TAOK3: variants seen among roughly 807,000 people sequenced by gnomAD.
The protein encoded by TAOK3 is serine/threonine-protein kinase TAO3.
Under a neutral mutation model 120.4 loss-of-function variants are expected in TAOK3, and 40 were observed. The ratio of observed to expected loss-of-function variants is 0.33; its 90% CI spans 0.26 to 0.43. The LOEUF is 0.43. TAOK3 is among the 20% of genes least tolerant of loss of function. The pLI is 1.00. For synonymous variants in TAOK3, 355 were observed against 387.5 expected (o/e 0.92, Z 0.99); for missense variants, 821 against 1,112.1 (o/e 0.74, Z 3.72).
chr12:118,348,110 C>A (rs1214050985), intron 1 of TAOK3, among the ~76,000 whole-genome samples: 1 of 152,212 alleles, frequency 6.6e-6, no homozygotes, highest in African/African-American at 2.4e-5. Context: ...GTCCACCACG[C>A]CTGCTGAAAA....
chr12:118,335,102 T>G (rs1293381723), intron 1 of TAOK3, among the ~76,000 whole-genome samples: 5 of 151,444 alleles, frequency 3.3e-5, no homozygotes, highest in Non-Finnish European at 7.4e-5. Context: ...GAGAATCACT[T>G]GAACCTGGGA....
At chr12:118,306,404 CT>C (rs1305972968) in intron 1 of TAOK3, among the ~76,000 whole-genome samples, 1 of 151,996 alleles carries the variant, frequency 6.6e-6, no homozygotes, top group Non-Finnish European at 1.5e-5. Context: ...TGTCGAACTC[CT>C]GGGCTCAAGT....
At chr12:118,303,792 C>T (rs2042956918) in intron 1 of TAOK3, among the ~76,000 whole-genome samples, 1 of 152,136 alleles carries the variant, frequency 6.6e-6, no homozygotes, top group African/African-American at 2.4e-5. Flanking sequence ...GGATTACAGG[C>T]ACCTGCCAGC....
chr12:118,234,209 G>GA (rs1336315572), intron 8 of TAOK3, among the ~76,000 whole-genome samples: 1 of 99,540 alleles, frequency 1.0e-5, no homozygotes, highest in African/African-American at 3.4e-5. Context: ...AATAAAGCAG[G>GA]AAATTTTTTT....
chr12:118,285,413 C>T (rs1429461520), intron 1 of TAOK3, among the ~76,000 whole-genome samples: 1 of 151,582 alleles, frequency 6.6e-6, no homozygotes, highest in Non-Finnish European at 1.5e-5. Flanking sequence ...AGTGCAATGG[C>T]GTGATCTCAG....
At position 118,246,817 on chromosome 12, in the gene TAOK3, C is replaced by T. The variant is rs2040534589; in HGVS notation, c.121-1852G>A. The T allele has an allele frequency of 3.0e-6, 4 of 1,317,376 alleles. No individual in the cohort carries two copies. The Admixed American group carries it at 6.9e-5, about 23-fold the overall frequency. The allele number at this position is 1,317,376 out of a possible 1,614,324, so 81.6% of individuals were successfully genotyped here. A position where few individuals can be genotyped will look rare whatever the true frequency, so the allele number is the denominator to read the frequency against. On this transcript the variant is annotated intron_variant, in intron 3 of 20. Coordinates refer to ENST00000392533, the MANE Select transcript of TAOK3 (RefSeq NM_016281.4). ...GCCAAGGCCACCTTTGATGCCATTT[C>T]TAAGACCTACAGCTACCTGACCCCC...
At chr12:118,153,373 A>G (rs1041634203) in intron 19 of TAOK3, among the ~76,000 whole-genome samples, 1 of 152,114 alleles carries the variant, frequency 6.6e-6, no homozygotes, top group African/African-American at 2.4e-5. Context: ...GATCACACCA[A>G]TGCACTCCAG....
intron 9 of TAOK3, among the ~76,000 whole-genome samples, chr12:118,232,377 G>A (rs1183800995): frequency 6.6e-6 from 1 of 152,142 alleles, no homozygotes; most frequent in Non-Finnish European, 1.5e-5. Flanking sequence ...TCACAGTTGT[G>A]CTCTACATGG....
chr12:118,202,920 C>T (rs961878471), intron 11 of TAOK3, among the ~76,000 whole-genome samples: 3 of 151,644 alleles, frequency 2.0e-5, no homozygotes, highest in African/African-American at 4.8e-5. Flanking sequence ...GCTGGAATTA[C>T]AGGCATGCAC....
intron 1 of TAOK3, among the ~76,000 whole-genome samples, chr12:118,315,203 G>A (rs2043410624): frequency 6.6e-6 from 1 of 152,170 alleles, no homozygotes; most frequent in Admixed American, 6.5e-5. Context: ...GGGATTACAG[G>A]CGTGAGCCAC....
At chr12:118,219,125 T>C (rs1466861808) in intron 9 of TAOK3, among the ~76,000 whole-genome samples, 2 of 152,152 alleles carry the variant, frequency 1.3e-5, no homozygotes, top group African/African-American at 2.4e-5. Context: ...AGTAACCTAT[T>C]TTTCCCTCTC....
chr12:118,198,824 G>A, intron 13 of TAOK3: 2 of 555,708 alleles, frequency 3.6e-6, no homozygotes, highest in Non-Finnish European at 6.5e-6. Flanking sequence ...ATTTATTGAT[G>A]ATGATGGACA....
intron 1 of TAOK3, among the ~76,000 whole-genome samples, chr12:118,349,693 C>T (rs2045049507): frequency 6.6e-6 from 1 of 151,990 alleles, no homozygotes; most frequent in Admixed American, 6.6e-5. Context: ...GATATTGTAA[C>T]AACATCACAA....
chr12:118,201,497 A>G (rs766924954), intron 11 of TAOK3, 34 bp from the exon 12 acceptor site: 71 of 1,587,190 alleles, frequency 4.5e-5, no homozygotes, highest in Non-Finnish European at 5.2e-5. Flanking sequence ...TAAACTGATA[A>G]TGAAGAAATG....
chr12:118,369,979 A>G (rs570073050), intron 1 of TAOK3, among the ~76,000 whole-genome samples: 1 of 152,252 alleles, frequency 6.6e-6, no homozygotes, highest in Admixed American at 6.5e-5. Context: ...AGTTCAAGCG[A>G]TTCCTCTGCC....
chr12:118,151,289 G>GCGCACACACACACA (rs1214641528), intron 20 of TAOK3, 131 bp from the exon 21 acceptor site: 75 of 253,092 alleles, frequency 3.0e-4, no homozygotes, highest in East Asian at 2.6e-3. Context: ...GCGCGCGCGC[G>GCGCACACACACACA]CACACACACA....
intron 1 of TAOK3, among the ~76,000 whole-genome samples, chr12:118,289,260 C>A (rs2042380199): frequency 1.5e-5 from 2 of 137,174 alleles, no homozygotes; most frequent in African/African-American, 5.6e-5. Flanking sequence ...GATTGCGCCG[C>A]TGCACTCAAG....
At chr12:118,308,471 A>AT (rs1371268667) in intron 1 of TAOK3, among the ~76,000 whole-genome samples, 2 of 152,210 alleles carry the variant, frequency 1.3e-5, no homozygotes, top group East Asian at 3.8e-4. Flanking sequence ...AAATTCAATT[A>AT]TTTTAACAAC....
intron 20 of TAOK3, among the ~76,000 whole-genome samples, chr12:118,151,750 A>G (rs2034459180): frequency 6.6e-6 from 1 of 152,252 alleles, no homozygotes; most frequent in African/African-American, 2.4e-5. Flanking sequence ...TAAAGCAATG[A>G]ATATTTCAGT....
Sources: allele counts gnomAD v4.1 joint callset (sites outside exome capture counted in the v4.1 genomes callset), GRCh38; gene constraint gnomAD v4.1.1; transcripts MANE v1.5; gene names NCBI Gene and HGNC (gene_info 2026-07-23, HGNC 2026-07-21).